The following TACC2 variants were observed in gnomAD, a reference collection of about 807,000 sequenced individuals.
TACC2 encodes the protein transforming acidic coiled-coil containing protein 2.
Under a neutral mutation model 227.3 loss-of-function variants are expected in TACC2, and 137 were observed. That is an observed-to-expected ratio of 0.60 (90% CI 0.52 to 0.69). TACC2 has a LOEUF of 0.69. Among genes scored for constraint, TACC2 ranks in the 30% least tolerant of loss-of-function variants. TACC2 has a pLI of 0.00. For synonymous variants in TACC2, 1,523 were observed against 1,487.5 expected (o/e 1.02, Z -0.55); for missense variants, 3,470 against 3,694.4 (o/e 0.94, Z 1.57).
intron 7 of TACC2, among the ~76,000 whole-genome samples, chr10:122,148,583 G>C (rs11200433): frequency 3.3e-5 from 5 of 152,088 alleles, no homozygotes; most frequent in Non-Finnish European, 5.9e-5. Flanking sequence ...GTTTGGAGGG[G>C]AGCAGCGAGG....
intron 6 of TACC2, among the ~76,000 whole-genome samples, chr10:122,136,283 G>A (rs576167264): frequency 3.2e-4 from 48 of 150,872 alleles, no homozygotes; most frequent in African/African-American, 1.0e-3. Context: ...GAGAAACTAA[G>A]CGGGCGTCCT....
intron 1 of TACC2, 25 bp from the exon 2 acceptor site, chr10:122,021,912 G>A (rs1957388224): frequency 3.5e-6 from 5 of 1,435,530 alleles, no homozygotes; most frequent in East Asian, 4.5e-5. Flanking sequence ...TTTCACAGAC[G>A]TTTATACCCT....
At chr10:122,222,647 C>T (rs1340074069) in intron 11 of TACC2, among the ~76,000 whole-genome samples, 1 of 152,218 alleles carries the variant, frequency 6.6e-6, no homozygotes, top group East Asian at 1.9e-4. Context: ...ACCTAAAACT[C>T]ACCCAGATTC....
At chr10:122,229,685 A>T (rs1279889373) in intron 15 of TACC2, among the ~76,000 whole-genome samples, 199 bp downstream of exon 15, 4 of 152,226 alleles carry the variant, frequency 2.6e-5, no homozygotes, top group African/African-American at 9.7e-5. Context: ...GTGTGATTAC[A>T]TATTGAACAA....
intron 5 of TACC2, chr10:122,126,735 G>A (rs2086949280): frequency 1.3e-5 from 2 of 151,644 alleles, no homozygotes; most frequent in Admixed American, 6.6e-5. Flanking sequence ...TGCACACATC[G>A]GCCTATTGAA....
At chr10:122,146,706 A>T (rs1242715037) in intron 7 of TACC2, among the ~76,000 whole-genome samples, 2 of 152,194 alleles carry the variant, frequency 1.3e-5, no homozygotes, top group African/African-American at 4.8e-5. Context: ...ACTTTTCTTT[A>T]TAAGTTATCT....
chr10:122,020,038 CTT>C (rs757874618), intron 1 of TACC2, among the ~76,000 whole-genome samples: 14 of 152,084 alleles, frequency 9.2e-5, no homozygotes, highest in Non-Finnish European at 8.8e-5. Context: ...TTGCCGGTCT[CTT>C]TAGTCTGTTT....
chr10:122,194,950 A>G lies in TACC2; in HGVS notation c.5835-90A>G. The G allele has an allele frequency of 7.3e-7, 1 of 1,365,194 alleles. No individual in the cohort carries two copies. Among genetic ancestry groups the G allele is most frequent in the Non-Finnish European group, 1.0e-6 (1 of 988,376 alleles). 84.6% of individuals were successfully genotyped at this position (1,365,194 alleles called of 1,614,324 possible). ...CAGTTTAACTGAGCAGCGAGCCAGA[A>G]CCCACTGGCTCTGGGTGCGAAGGCC... On this transcript the variant is annotated intron_variant, in intron 7 of 22. Coordinates refer to ENST00000369005, the MANE Select transcript of TACC2 (RefSeq NM_206862.4). This position sits in a 1 kb window ranked among gnomAD's most constrained non-coding sequence, Gnocchi z 4.4.
At chr10:122,039,547 A>G (rs954689668) in intron 2 of TACC2, among the ~76,000 whole-genome samples, 3 of 152,068 alleles carry the variant, frequency 2.0e-5, no homozygotes, top group Middle Eastern at 3.2e-3. Context: ...GGGTTGGGGG[A>G]CAACAAGTGC....
At chr10:122,042,548 T>C (rs1355769504) in intron 2 of TACC2, among the ~76,000 whole-genome samples, 1 of 152,226 alleles carries the variant, frequency 6.6e-6, no homozygotes, top group African/African-American at 2.4e-5. Context: ...CAGCCTGAAC[T>C]TCTGATTAAC....
At chr10:122,104,485 C>G (rs1488054651) in intron 5 of TACC2, among the ~76,000 whole-genome samples, 2 of 152,162 alleles carry the variant, frequency 1.3e-5, no homozygotes, top group Non-Finnish European at 2.9e-5. Context: ...TCTCCTGCCT[C>G]AACCTCCTGA....
intron 5 of TACC2, among the ~76,000 whole-genome samples, chr10:122,124,434 A>C (rs1034318282): frequency 2.0e-5 from 3 of 152,118 alleles, no homozygotes; most frequent in Non-Finnish European, 2.9e-5. Context: ...CACAGGCATT[A>C]TCTTCTGAAT....
chr10:122,107,946 C>A (rs1281901525), intron 5 of TACC2, among the ~76,000 whole-genome samples: 4 of 133,976 alleles, frequency 3.0e-5, no homozygotes, highest in African/African-American at 1.1e-4. Flanking sequence ...GACTGGAGTG[C>A]AGTGGTGCGA....
At chr10:122,218,101 C>T (rs562551200) in intron 11 of TACC2, among the ~76,000 whole-genome samples, 58 of 152,230 alleles carry the variant, frequency 3.8e-4, no homozygotes, top group Admixed American at 2.1e-3. Flanking sequence ...CGCACCACCA[C>T]GCCCAGCTAA....
intron 5 of TACC2, among the ~76,000 whole-genome samples, chr10:122,119,070 T>A (rs1349766961): frequency 6.6e-6 from 1 of 152,202 alleles, no homozygotes; most frequent in Non-Finnish European, 1.5e-5. Context: ...TTGTGAAACA[T>A]CTCCAGAACT....
At chr10:122,232,789 G>T (rs1391573701) in intron 16 of TACC2, among the ~76,000 whole-genome samples, 1 of 152,156 alleles carries the variant, frequency 6.6e-6, no homozygotes, top group Non-Finnish European at 1.5e-5. Flanking sequence ...GTTCCTTGCT[G>T]CATTGGAAAC....
At chr10:122,144,188 C>T (rs1289039833) in intron 7 of TACC2, among the ~76,000 whole-genome samples, 1 of 152,092 alleles carries the variant, frequency 6.6e-6, no homozygotes, top group Non-Finnish European at 1.5e-5. Context: ...AATCCTTTTC[C>T]TTTAAGGCCT....
rs557999808 is a variant in TACC2 at position 122,007,732 on chromosome 10, C to T, written c.-45-14205C>T. ...ACTTTTCTTTTTTTTCTTTCTTTTC[C>T]CCATTTAACACTGCTGTGGTTTGAA... On this transcript the variant is annotated intron_variant, in intron 1 of 22. Transcript: ENST00000369005. Among the ~76,000 whole-genome samples the T allele has an allele frequency of 1.2e-4, 19 of 152,006 alleles. No homozygotes were observed. In the South Asian group the frequency reaches 1.9e-3, roughly 15 times the overall value.
At chr10:122,174,797 C>T (rs2093630531) in intron 7 of TACC2, among the ~76,000 whole-genome samples, 1 of 152,026 alleles carries the variant, frequency 6.6e-6, no homozygotes, top group South Asian at 2.1e-4. Flanking sequence ...TTGAACTAAC[C>T]AGTAGTTGAA....
Sources: gnomAD v4.1 joint callset for allele counts (sites outside exome capture counted in the v4.1 genomes callset) on GRCh38, gnomAD v4.1.1 for gene constraint, Gnocchi (gnomAD v3.1) non-coding constraint, MANE v1.5 for transcripts, NCBI Gene and HGNC (gene_info 2026-07-23, HGNC 2026-07-21) for gene names.